The following SGMS2 variants were observed in gnomAD, a reference collection of about 807,000 sequenced individuals.
SGMS2 encodes the protein sphingomyelin synthase 2.
A neutral mutation model predicts 43.8 loss-of-function variants in SGMS2; 21 were observed. The observed-to-expected ratio is 0.48, with a 90% CI of 0.34 to 0.69. The LOEUF is 0.69. Among genes scored for constraint, SGMS2 ranks in the 30% least tolerant of loss-of-function variants. The pLI is 0.01. For missense variants in SGMS2, 384 were observed against 443.2 expected (o/e 0.87, Z 1.20); for synonymous variants, 167 against 160.6 (o/e 1.04, Z -0.30).
At chr4:107,869,946 A>G (rs1395819480) in intron 2 of SGMS2, among the ~76,000 whole-genome samples, 2 of 152,280 alleles carry the variant, frequency 1.3e-5, no homozygotes, top group Middle Eastern at 3.4e-3. Context: ...TAGATTAGGA[A>G]CAAAACCAGA....
At chr4:107,866,927 G>GT (rs1212870915) in intron 2 of SGMS2, 1 of 152,192 alleles carries the variant, frequency 6.6e-6, no homozygotes, top group Non-Finnish European at 1.5e-5. Context: ...ATCATGACTT[G>GT]TTTGTGGCCA....
intron 6 of SGMS2, among the ~76,000 whole-genome samples, chr4:107,909,747 T>G (rs1035697349): frequency 4.6e-5 from 7 of 152,242 alleles, no homozygotes; most frequent in Non-Finnish European, 1.0e-4. Context: ...CTTACTTATC[T>G]TTGAATAGAC....
At chr4:107,880,796 G>T (rs950741248) in intron 2 of SGMS2, among the ~76,000 whole-genome samples, 8 of 150,714 alleles carry the variant, frequency 5.3e-5, no homozygotes, top group African/African-American at 2.0e-4. Flanking sequence ...TGAGATTACA[G>T]TGAGCCAAGA....
chr4:107,906,670 G>A (rs533770474), intron 5 of SGMS2, among the ~76,000 whole-genome samples: 1 of 152,306 alleles, frequency 6.6e-6, no homozygotes, highest in Non-Finnish European at 1.5e-5. Context: ...AGTGTTCTCA[G>A]TTAATGAGTG....
Position 107,825,620 on chromosome 4 carries a change from CT to C in SGMS2, c.-327+388del, listed in dbSNP as rs201101875. Among the ~76,000 whole-genome samples the C allele has an allele frequency of 1.3e-3, 152 of 116,268 alleles. 1 individual carries two copies. The highest frequency in any genetic ancestry group is 3.8e-3 in the East Asian group (17 of 4,422). 76.3% of individuals were successfully genotyped at this position (116,268 alleles called of 152,430 possible). A position where few individuals can be genotyped will look rare whatever the true frequency, so the allele number is the denominator to read the frequency against. ...TGTGTGTGGTTTTTCTTTTCTTTCT[CT>C]TTTTTTTTTTTTTTTTTTTTGAGAG... On this transcript the variant is annotated intron_variant, in intron 1 of 6. Transcript: ENST00000690982.
chr4:107,904,504 T>G (rs1731382704), intron 5 of SGMS2, among the ~76,000 whole-genome samples: 3 of 152,238 alleles, frequency 2.0e-5, no homozygotes, highest in Non-Finnish European at 4.4e-5. Context: ...GAGGGTAAGA[T>G]GACAAGAGTT....
At chr4:107,901,607 G>A (rs1328956007) in intron 4 of SGMS2, among the ~76,000 whole-genome samples, 2 of 152,158 alleles carry the variant, frequency 1.3e-5, no homozygotes, top group African/African-American at 2.4e-5. Flanking sequence ...TTTTCCAGTT[G>A]CCTGCTCCCT....
intron 2 of SGMS2, among the ~76,000 whole-genome samples, chr4:107,876,509 T>C (rs559532522): frequency 9.2e-5 from 14 of 152,324 alleles, no homozygotes; most frequent in African/African-American, 3.4e-4. Flanking sequence ...CAGCAAGCAA[T>C]GTTTCAAGAA....
At chr4:107,852,331 C>T (rs1046845378) in intron 1 of SGMS2, among the ~76,000 whole-genome samples, 1 of 151,968 alleles carries the variant, frequency 6.6e-6, no homozygotes, top group African/African-American at 2.4e-5. Flanking sequence ...CCTGCCTCAG[C>T]CTCCCAAGTC....
rs146678741 is a variant in SGMS2, at chr4:107,829,301, C to T, written c.-327+4048C>T. ...ATTCTCAAGTTTTACAATAATATCA[C>T]ATCTTTGCTACTCTGAGTCAAAATT... On this transcript the variant is annotated intron_variant, in intron 1 of 6. Transcript: ENST00000690982. 9.4e-3 allele frequency among the ~76,000 whole-genome samples: 1,436 copies of T among 152,254 alleles called. 12 individuals carry two copies. The highest frequency in any genetic ancestry group is 0.015 in the Non-Finnish European group (1,042 of 68,018).
chr4:107,900,042 T>G (rs1245910328), intron 4 of SGMS2, among the ~76,000 whole-genome samples: 1 of 152,068 alleles, frequency 6.6e-6, no homozygotes. Context: ...GGAGCTTATA[T>G]TCTATTGAGG....
intron 2 of SGMS2, among the ~76,000 whole-genome samples, chr4:107,863,265 A>G (rs917686605): frequency 1.3e-5 from 2 of 152,208 alleles, no homozygotes; most frequent in African/African-American, 2.4e-5. Flanking sequence ...GTCACTTGTT[A>G]CATTTCTAAC....
chr4:107,881,364 G>A (rs1334507596), intron 2 of SGMS2, among the ~76,000 whole-genome samples: 3 of 152,058 alleles, frequency 2.0e-5, no homozygotes, highest in African/African-American at 7.2e-5. Flanking sequence ...ATACCATTTA[G>A]GCACAGAGGC....
intron 1 of SGMS2, among the ~76,000 whole-genome samples, chr4:107,830,247 G>C (rs1459782570): frequency 6.6e-6 from 1 of 152,206 alleles, no homozygotes; most frequent in Non-Finnish European, 1.5e-5. Flanking sequence ...TCCATGGTAT[G>C]TATGTACCAC....
At chr4:107,845,150 A>G (rs1726741802) in intron 1 of SGMS2, among the ~76,000 whole-genome samples, 1 of 152,168 alleles carries the variant, frequency 6.6e-6, no homozygotes, top group African/African-American at 2.4e-5. Flanking sequence ...GCAGAAAGTT[A>G]TAGAACTCCC....
At chr4:107,863,053 C>T (rs1394371552) in intron 2 of SGMS2, among the ~76,000 whole-genome samples, 1 of 152,172 alleles carries the variant, frequency 6.6e-6, no homozygotes, top group Non-Finnish European at 1.5e-5. Flanking sequence ...AGTTTTCATG[C>T]TCCTACATGG....
intron 4 of SGMS2, among the ~76,000 whole-genome samples, chr4:107,900,537 G>A (rs1336099827): frequency 1.3e-5 from 2 of 152,238 alleles, no homozygotes; most frequent in Non-Finnish European, 2.9e-5. Flanking sequence ...TGGAAAGAGA[G>A]AGTGGCCTTT....
intron 2 of SGMS2, among the ~76,000 whole-genome samples, chr4:107,885,848 A>G (rs1241084601): frequency 1.3e-5 from 2 of 152,222 alleles, no homozygotes; most frequent in African/African-American, 4.8e-5. Context: ...TTACTTGACT[A>G]TTGGTTACTG....
Position 107,913,903 on chromosome 4 carries a change from T to C in SGMS2, c.*3350T>C, listed in dbSNP as rs886909449. The C allele has an allele frequency of 2.6e-5, 4 of 151,646 alleles. No individual in the cohort carries two copies. The highest frequency in any genetic ancestry group is 9.7e-5 in the African/African-American group (4 of 41,414). The allele number at this position is 151,646 out of a possible 1,614,324, so 9.4% of individuals were successfully genotyped here. ...AATAGTTTGAACATTTCTTTCTTAA[T>C]TCTTTTTTGTTTTTGTTTTGCACTG... On this transcript the variant is annotated 3_prime_UTR_variant, in exon 7 of 7. Coordinates refer to ENST00000690982, the MANE Select transcript of SGMS2 (RefSeq NM_001375905.1).
Sources: allele counts gnomAD v4.1 joint callset (sites outside exome capture counted in the v4.1 genomes callset), GRCh38; gene constraint gnomAD v4.1.1; transcripts MANE v1.5; gene names NCBI Gene and HGNC (gene_info 2026-07-23, HGNC 2026-07-21).